ZSWIM3: variants seen among roughly 807,000 people sequenced by gnomAD.
The protein encoded by ZSWIM3 is zinc finger SWIM domain-containing protein 3.
In ZSWIM3, 27 loss-of-function variants were observed where a neutral mutation model predicts 47.5. That is an observed-to-expected ratio of 0.57 (90% CI 0.42 to 0.78). The LOEUF (loss-of-function observed/expected upper bound fraction) is 0.78, where lower values mean the gene tolerates loss of function less well. ZSWIM3 is among the 30% of genes least tolerant of loss of function. The pLI is 0.00. For synonymous variants in ZSWIM3, 333 were observed against 333.9 expected (o/e 1.00, Z 0.03); for missense variants, 689 against 861.3 (o/e 0.80, Z 2.50).
At chr20:45,863,169 G>GTTTT (rs201905761) in intron 1 of ZSWIM3, among the ~76,000 whole-genome samples, 2 of 83,760 alleles carry the variant, frequency 2.4e-5, no homozygotes, top group Admixed American at 1.4e-4. Flanking sequence ...TGATTTCCTT[G>GTTTT]TTTTTTTTTT....
At position 45,877,993 on chromosome 20, in the gene ZSWIM3, G is replaced by A. The variant is rs187154600; in HGVS notation, c.1435G>A (p.Val479Ile). ...AEETKPDAQQVQVQQQSQVPP... is the reference protein window; with the variant it reads ...AEETKPDAQQIQVQQQSQVPP... ...AGAGACCAAGCCAGACGCACAGCAG[G>A]TACAGGTACAGCAGCAGTCACAAGT... Residue 479 changes from valine (V) to isoleucine (I), a missense_variant, in exon 2 of 2, where the codon GTA (valine) becomes ATA (isoleucine). Physicochemically the swap from Val to Ile is conservative, Grantham distance 29 (BLOSUM62 3). Transcript: ENST00000255152. 6.2e-6 allele frequency: 10 copies of A among 1,613,854 alleles called. No individual in the cohort carries two copies. The South Asian group carries it at 9.9e-5, about 16-fold the overall frequency.
chr20:45,874,280 C>T (rs183812745), intron 1 of ZSWIM3, among the ~76,000 whole-genome samples: 210 of 152,188 alleles, frequency 1.4e-3, no homozygotes, highest in African/African-American at 4.5e-3. Context: ...GGGAGGCTGA[C>T]GCGGGTGGAT....
At chr20:45,873,819 C>T (rs1986029153) in intron 1 of ZSWIM3, among the ~76,000 whole-genome samples, 1 of 152,176 alleles carries the variant, frequency 6.6e-6, no homozygotes, top group Admixed American at 6.5e-5. Flanking sequence ...TCTGCTAAGC[C>T]TTATAGATAA....
At chr20:45,870,052 AAAAAAAAAAAAG>A (rs1401251694) in intron 1 of ZSWIM3, among the ~76,000 whole-genome samples, 4 of 149,744 alleles carry the variant, frequency 2.7e-5, no homozygotes, top group Non-Finnish European at 5.9e-5. Context: ...TCAAGAAAAA[AAAAAAAAAAAAG>A]AAAAGGCCAA....
At chr20:45,867,734 G>A (rs1985881086) in intron 1 of ZSWIM3, among the ~76,000 whole-genome samples, 1 of 152,054 alleles carries the variant, frequency 6.6e-6, no homozygotes, top group Admixed American at 6.6e-5. Flanking sequence ...TTTTATGACG[G>A]TTGTTTTTCT....
intron 1 of ZSWIM3, among the ~76,000 whole-genome samples, chr20:45,874,638 C>G (rs1300592534): frequency 1.3e-5 from 2 of 152,204 alleles, no homozygotes; most frequent in African/African-American, 4.8e-5. Flanking sequence ...GGGATCCTCG[C>G]TTTTATCTTT....
intron 1 of ZSWIM3, among the ~76,000 whole-genome samples, chr20:45,875,020 G>C (rs1278480672): frequency 1.3e-5 from 2 of 150,044 alleles, no homozygotes; most frequent in East Asian, 2.0e-4. Context: ...GATTTGGGGG[G>C]GGTTTTAATT....
chr20:45,873,185 T>C (rs991408930), intron 1 of ZSWIM3, among the ~76,000 whole-genome samples: 13 of 152,138 alleles, frequency 8.5e-5, no homozygotes, highest in Non-Finnish European at 1.5e-4. Flanking sequence ...GCGGATCATC[T>C]GAGGTCAGGA....
At chr20:45,870,464 G>GC (rs1282469099) in intron 1 of ZSWIM3, among the ~76,000 whole-genome samples, 1 of 152,126 alleles carries the variant, frequency 6.6e-6, no homozygotes, top group East Asian at 1.9e-4. Flanking sequence ...TAGCCCTGAA[G>GC]CATGTAGTGA....
In ZSWIM3 at chr20:45,878,726, AGGGTTT is replaced by A. The variant is rs1986173048; in HGVS notation, c.*78_*83del. On this transcript the variant is annotated 3_prime_UTR_variant, in exon 2 of 2. Transcript: ENST00000255152. ...GAGTTTAAAGTGGGCAGGACATACT[AGGGTTT>A]AGCATTTTAGCCAATGTCTTCCTAG... 6.6e-7 allele frequency: 1 copy of A among 1,509,460 alleles called. No homozygotes were observed. Among genetic ancestry groups the A allele is most frequent in the Admixed American group, 2.1e-5 (1 of 47,308 alleles). The allele number at this position is 1,509,460 out of a possible 1,614,324, so 93.5% of individuals were successfully genotyped here. A position where few individuals can be genotyped will look rare whatever the true frequency, so the allele number is the denominator to read the frequency against.
intron 1 of ZSWIM3, among the ~76,000 whole-genome samples, chr20:45,859,792 C>CAAAAAAAAAAAAA (rs765560893): frequency 1.9e-5 from 1 of 52,098 alleles, no homozygotes; most frequent in Non-Finnish European, 4.1e-5. Context: ...GAGAGGAATA[C>CAAAAAAAAAAAAA]AAAAAAAAAA....
intron 1 of ZSWIM3, among the ~76,000 whole-genome samples, chr20:45,876,363 G>A (rs1986093012): frequency 6.9e-6 from 1 of 145,490 alleles, no homozygotes; most frequent in Non-Finnish European, 1.5e-5. Flanking sequence ...TTTTGAGATA[G>A]GGTCTCACTC....
At position 45,877,281 on chromosome 20, in the gene ZSWIM3, C is replaced by A. The variant is rs1180143961; in HGVS notation, c.723C>A (p.Asn241Lys). The change falls in exon 2 of 2, where the codon AAC becomes AAA. Residue 241 changes from asparagine to lysine, a missense_variant. Physicochemically the swap from Asn to Lys is moderately conservative, Grantham distance 94. Transcript: ENST00000255152. ...TCCTCTATGCTTTCTTGGTGGAGAACAAGGAACGAGAAAGTCGAGTGGTGC... is the reference window on the plus strand; with the variant it reads ...TCCTCTATGCTTTCTTGGTGGAGAAAAAGGAACGAGAAAGTCGAGTGGTGC... ...GHILYAFLVE[N>K]KERESRVVHF... 1 of 1,614,108 alleles carries A rather than the reference C, an allele frequency of 6.2e-7. No individual in the cohort carries two copies. The highest frequency in any genetic ancestry group is 8.5e-7 in the Non-Finnish European group (1 of 1,180,024).
intron 1 of ZSWIM3, among the ~76,000 whole-genome samples, chr20:45,874,409 G>C (rs1986044332): frequency 2.0e-5 from 3 of 152,212 alleles, no homozygotes; most frequent in African/African-American, 7.2e-5. Flanking sequence ...CTACTCGAGA[G>C]GCTGAGGCAG....
In ZSWIM3 at chr20:45,857,652, G is replaced by C; in HGVS notation, c.-174G>C. 1.3e-6 allele frequency: 1 copy of C among 772,032 alleles called. No individual in the cohort carries two copies. The highest frequency in any genetic ancestry group is 2.1e-6 in the Non-Finnish European group (1 of 469,342). The allele number at this position is 772,032 out of a possible 1,614,324, so 47.8% of individuals were successfully genotyped here. A position where few individuals can be genotyped will look rare whatever the true frequency, so the allele number is the denominator to read the frequency against. The stretch of plus-strand genomic sequence containing the variant: ...TACACCCCCTTCCTCTTGTAACCCG[G>C]TCAGGCCTAGGGTTCCTCCCTGAGT... On this transcript the variant is annotated 5_prime_UTR_variant, in exon 1 of 2. Transcript: ENST00000255152.
rs898730305 is a variant in ZSWIM3 at position 45,862,937 on chromosome 20, A to G, written c.155+4957A>G. ...AGGCATGAGCCACTGTGCCTGGCCC[A>G]CTGCATTATTATATAGAGGCAATCA... is the stretch of plus-strand genomic sequence containing the variant. On this transcript the variant is annotated intron_variant, in intron 1 of 1. Coordinates refer to ENST00000255152, the MANE Select transcript of ZSWIM3 (RefSeq NM_080752.4). Among the ~76,000 whole-genome samples, 6 of 152,158 alleles carry G rather than the reference A, an allele frequency of 3.9e-5. No homozygotes were observed. The East Asian group carries it at 1.2e-3, about 29-fold the overall frequency.
chr20:45,871,480 A>C (rs889819616), intron 1 of ZSWIM3, among the ~76,000 whole-genome samples: 4 of 152,198 alleles, frequency 2.6e-5, no homozygotes, highest in African/African-American at 9.6e-5. Flanking sequence ...GATCACTGGG[A>C]TAGAATTTTC....
At chr20:45,865,834 A>G (rs1055771211) in intron 1 of ZSWIM3, among the ~76,000 whole-genome samples, 3 of 151,676 alleles carry the variant, frequency 2.0e-5, no homozygotes, top group African/African-American at 7.3e-5. Flanking sequence ...CATCTCTACT[A>G]AAAATACAAT....
chr20:45,864,340 A>G (rs78813636), intron 1 of ZSWIM3, among the ~76,000 whole-genome samples: 1,746 of 152,244 alleles, frequency 0.011, 41 homozygotes, highest in African/African-American at 0.04. Context: ...ATTTATTGCA[A>G]ACTGGCTCTG....
Sources: gnomAD v4.1 joint callset for allele counts (sites outside exome capture counted in the v4.1 genomes callset) on GRCh38, gnomAD v4.1.1 for gene constraint, MANE v1.5 for transcripts, NCBI Gene and HGNC (gene_info 2026-07-23, HGNC 2026-07-21) for gene names.